The following SPPL3 variants were observed in gnomAD, a reference collection of about 807,000 sequenced individuals.
The protein encoded by SPPL3 is signal peptide peptidase-like 3.
In SPPL3, 5 loss-of-function variants were observed where a neutral mutation model predicts 42.4. The observed-to-expected ratio is 0.12, with a 90% confidence interval of 0.06 to 0.25. SPPL3 has a LOEUF of 0.25. SPPL3 is among the 10% of genes least tolerant of loss of function. The pLI is 1.00. For missense variants in SPPL3, 235 were observed against 489.0 expected, an observed-to-expected ratio of 0.48 and a Z score of 4.90; for synonymous variants, 195 against 181.8, an observed-to-expected ratio of 1.07 and a Z score of -0.58.
intron 1 of SPPL3, among the ~76,000 whole-genome samples, chr12:120,827,639 A>C (rs1871268416): frequency 1.3e-5 from 2 of 152,150 alleles, no homozygotes. Context: ...AAACCATTTT[A>C]CAACACTCCC....
At chr12:120,829,215 T>C (rs762109414) in intron 1 of SPPL3, among the ~76,000 whole-genome samples, 1 of 152,158 alleles carries the variant, frequency 6.6e-6, no homozygotes, top group African/African-American at 2.4e-5. Context: ...AGAAAAATCT[T>C]TGTGACATTG....
intron 1 of SPPL3, among the ~76,000 whole-genome samples, chr12:120,813,946 G>T (rs1405850260): frequency 6.6e-6 from 1 of 152,112 alleles, no homozygotes; most frequent in Non-Finnish European, 1.5e-5. Context: ...ATCCACTTGT[G>T]ATCTGGTGCT....
At chr12:120,844,697 T>C (rs972535466) in intron 1 of SPPL3, among the ~76,000 whole-genome samples, 3 of 148,204 alleles carry the variant, frequency 2.0e-5, no homozygotes, top group African/African-American at 7.4e-5. Flanking sequence ...CTGGCTTTTG[T>C]TTTTTTTTTA....
chr12:120,817,956 G>A (rs1196465106), intron 1 of SPPL3, among the ~76,000 whole-genome samples: 1 of 152,112 alleles, frequency 6.6e-6, no homozygotes, highest in Admixed American at 6.6e-5. Context: ...TACGATCAAT[G>A]GAGCAGACAG....
In SPPL3 at chr12:120,855,135, A is replaced by C. The variant is rs560439360; in HGVS notation, c.24-44249T>G. On this transcript the variant is annotated intron_variant, in intron 1 of 10. Transcript: ENST00000353487. ...TTGTATGGATGGATCACTAGACCCC[A>C]CAGAGTGCAAGAATGACGAGAGAAG... 2.0e-5 allele frequency among the ~76,000 whole-genome samples: 3 copies of C among 152,194 alleles called. No individual in the cohort carries two copies. The East Asian group carries it at 5.8e-4, about 29-fold the overall frequency.
chr12:120,823,181 T>A (rs1026436998), intron 1 of SPPL3, among the ~76,000 whole-genome samples: 2 of 114,274 alleles, frequency 1.8e-5, no homozygotes, highest in African/African-American at 3.3e-5. Flanking sequence ...CCCACAAAGG[T>A]GTCTGTGAGA....
intron 1 of SPPL3, among the ~76,000 whole-genome samples, chr12:120,879,113 C>CAAAAAAAAA (rs63543261): frequency 4.6e-5 from 3 of 65,112 alleles, no homozygotes; most frequent in Non-Finnish European, 6.4e-5. Context: ...AACTCTGTCT[C>CAAAAAAAAA]AAAAAAAAAA....
chr12:120,848,365 G>A (rs911798067), intron 1 of SPPL3, among the ~76,000 whole-genome samples: 32 of 152,288 alleles, frequency 2.1e-4, no homozygotes, highest in African/African-American at 7.5e-4. Flanking sequence ...CATGGGTCTA[G>A]AGTTATTCTC....
At chr12:120,863,266 T>TG (rs1419657808) in intron 1 of SPPL3, among the ~76,000 whole-genome samples, 1 of 151,832 alleles carries the variant, frequency 6.6e-6, no homozygotes, top group East Asian at 1.9e-4. Flanking sequence ...AAGAATCACT[T>TG]GAACCCAGGA....
At chr12:120,781,777 CACCATTTTA>C (rs1869556316) in intron 6 of SPPL3, among the ~76,000 whole-genome samples, 2 of 150,796 alleles carry the variant, frequency 1.3e-5, no homozygotes, top group East Asian at 2.0e-4. Flanking sequence ...GACGGGGTCT[CACCATTTTA>C]GCCATTTTAG....
intron 1 of SPPL3, among the ~76,000 whole-genome samples, chr12:120,818,164 A>G (rs1870942348): frequency 6.6e-6 from 1 of 152,210 alleles, no homozygotes; most frequent in African/African-American, 2.4e-5. Flanking sequence ...CATGAAAGAC[A>G]GGAACTACTC....
intron 1 of SPPL3, chr12:120,845,375 T>C (rs986155071): frequency 7.6e-5 from 28 of 367,366 alleles, no homozygotes; most frequent in Admixed American, 2.9e-4. Flanking sequence ...CTGTCAGTGC[T>C]GTCCACTACA....
At chr12:120,769,321 A>C in intron 6 of SPPL3, 1 of 331,066 alleles carries the variant, frequency 3.0e-6, no homozygotes, top group Non-Finnish European at 5.7e-6. Context: ...CCAGTCCAAG[A>C]CCTCCAAGCT....
At chr12:120,869,304 A>C (rs1872852787) in intron 1 of SPPL3, among the ~76,000 whole-genome samples, 2 of 152,242 alleles carry the variant, frequency 1.3e-5, no homozygotes, top group South Asian at 4.1e-4. Flanking sequence ...GCCTTAAATG[A>C]AAAAACATTA....
At chr12:120,851,381 T>C (rs897835546) in intron 1 of SPPL3, among the ~76,000 whole-genome samples, 1 of 152,106 alleles carries the variant, frequency 6.6e-6, no homozygotes, top group African/African-American at 2.4e-5. Flanking sequence ...CCAAAAAAAG[T>C]AGCCCACATC....
At chr12:120,771,598 G>T (rs1005286800) in intron 6 of SPPL3, among the ~76,000 whole-genome samples, 1 of 151,906 alleles carries the variant, frequency 6.6e-6, no homozygotes, top group Non-Finnish European at 1.5e-5. Context: ...TCCAGTGAAG[G>T]TTCCCCGAGA....
Position 120,823,957 on chromosome 12 carries a change from G to A in SPPL3, c.24-13071C>T, listed in dbSNP as rs891000465. Among the ~76,000 whole-genome samples the A allele has an allele frequency of 8.6e-5, 13 of 151,168 alleles. 1 individual carries two copies. The highest frequency in any genetic ancestry group is 2.9e-4 in the African/African-American group (12 of 41,236). On this transcript the variant is annotated intron_variant, in intron 1 of 10. Coordinates refer to ENST00000353487, the MANE Select transcript of SPPL3 (RefSeq NM_139015.5). ...GCAATCTCAGCTCACTGCAAGCTCC[G>A]CCTCCCGGGTTCACACCATTCTCCT...
chr12:120,814,649 T>C (rs1328400537), intron 1 of SPPL3, among the ~76,000 whole-genome samples: 5 of 151,176 alleles, frequency 3.3e-5, no homozygotes, highest in Non-Finnish European at 7.4e-5. Flanking sequence ...CAAAAGTATA[T>C]TAAAAAGTAC....
Position 120,766,484 on chromosome 12 carries a change from T to C in SPPL3, c.974-112A>G, listed in dbSNP as rs925035083. ...ATCTAATGTGCTGTCGTCCATTCTA[T>C]GGTTGGGGTGTGAAATGCCCAGCTT... On this transcript the variant is annotated intron_variant, in intron 9 of 10. Transcript: ENST00000353487. 7.4e-6 allele frequency: 6 copies of C among 808,602 alleles called. No individual in the cohort carries two copies. In the African/African-American group the frequency reaches 1.1e-4, roughly 14 times the overall value. The allele number at this position is 808,602 out of a possible 1,614,324, so 50.1% of individuals were successfully genotyped here.
Sources: allele counts gnomAD v4.1 joint callset (sites outside exome capture counted in the v4.1 genomes callset), GRCh38; gene constraint gnomAD v4.1.1; transcripts MANE v1.5; gene names NCBI Gene and HGNC (gene_info 2026-07-23, HGNC 2026-07-21).